The following RAB38 variants were observed in gnomAD, a reference collection of about 807,000 sequenced individuals.
The protein encoded by RAB38 is RAB38, member RAS oncogene family, also known as ras-related protein Rab-38.
In RAB38, 15 loss-of-function variants were observed where a neutral mutation model predicts 18.4. That is an observed-to-expected ratio of 0.82 (90% confidence interval 0.55 to 1.26). RAB38 has a LOEUF of 1.26. RAB38 is among the 50% of genes most tolerant of loss of function. The pLI is 0.00. For missense variants in RAB38, 294 were observed against 267.4 expected (o/e 1.10, Z -0.69); for synonymous variants, 101 against 104.4 (o/e 0.97, Z 0.20).
chr11:87,962,443 A>G, the RAB38 span, among the ~76,000 whole-genome samples: 1 of 152,064 alleles, frequency 6.6e-6, no homozygotes, highest in Non-Finnish European at 1.5e-5. Context: ...AAAAAAACTG[A>G]AGTGAACCTG....
chr11:88,117,599 A>C (rs11823495), intron 2 of RAB38, among the ~76,000 whole-genome samples: 8,915 of 152,234 alleles, frequency 0.059, 363 homozygotes, highest in African/African-American at 0.12. Context: ...AAGAACTGAA[A>C]ATGCTTTTGA....
At chr11:87,927,124 C>T in the RAB38 span, among the ~76,000 whole-genome samples, 2 of 151,946 alleles carry the variant, frequency 1.3e-5, no homozygotes, top group Admixed American at 6.6e-5. Context: ...CAGAAAGAGG[C>T]GTCCCACTAA....
At position 88,114,137 on chromosome 11, in the gene RAB38, T is replaced by A. The variant is rs1465681347; in HGVS notation, c.487A>T (p.Asn163Tyr). The change falls in exon 3 of 3, where the codon AAT becomes TAT. Residue 163 changes from asparagine (N) to tyrosine (Y), a missense_variant. Transcript: ENST00000243662. ...CTGGAGGCTTCATCAATGTTTATAT[T>A]TTCCTATGAGGGAAAAAATAAAACA... ...VGWFETSAKE[N>Y]INIDEASRCL... The A allele has an allele frequency of 1.2e-6, 2 of 1,613,970 alleles. No homozygotes were observed. The highest frequency in any genetic ancestry group is 1.7e-6 in the Non-Finnish European group (2 of 1,179,956).
At position 88,165,170 on chromosome 11, in the gene RAB38, G is replaced by A. The variant is rs184653550; in HGVS notation, c.202+10013C>T. 3.2e-3 allele frequency among the ~76,000 whole-genome samples: 491 copies of A among 152,088 alleles called. 2 individuals carry two copies. The highest frequency in any genetic ancestry group is 0.01 in the African/African-American group (434 of 41,488). ...CTAAAAGCAATGTATAACAACCCAC[G>A]AGATGTAAAAACCATTATGCTGTTT... On this transcript the variant is annotated intron_variant, in intron 1 of 2. Coordinates refer to ENST00000243662, the MANE Select transcript of RAB38 (RefSeq NM_022337.3).
the RAB38 span, among the ~76,000 whole-genome samples, chr11:88,042,975 C>A: frequency 6.6e-6 from 1 of 152,096 alleles, no homozygotes. Context: ...CTGAAACACC[C>A]CTAATATATG....
the RAB38 span, among the ~76,000 whole-genome samples, chr11:87,927,401 C>T: frequency 6.6e-6 from 1 of 151,964 alleles, no homozygotes; most frequent in Non-Finnish European, 1.5e-5. Flanking sequence ...ATATTGTATA[C>T]TGCTTTTCAC....
the RAB38 span, among the ~76,000 whole-genome samples, chr11:88,062,367 T>C: frequency 6.6e-6 from 1 of 152,176 alleles, no homozygotes; most frequent in Non-Finnish European, 1.5e-5. Context: ...TCCACCATGA[T>C]TCTAAGTTTC....
chr11:88,127,923 A>T (rs929506872), intron 2 of RAB38, among the ~76,000 whole-genome samples: 1 of 152,214 alleles, frequency 6.6e-6, no homozygotes, highest in East Asian at 1.9e-4. Flanking sequence ...CAGAAGTGAC[A>T]CACATTTGGA....
the RAB38 span, among the ~76,000 whole-genome samples, chr11:87,825,693 T>C: frequency 6.6e-6 from 1 of 152,032 alleles, no homozygotes; most frequent in Non-Finnish European, 1.5e-5. Flanking sequence ...AACAAAGGCC[T>C]AAAGAGGGAA....
At chr11:87,828,440 G>C in the RAB38 span, among the ~76,000 whole-genome samples, 7 of 152,100 alleles carry the variant, frequency 4.6e-5, no homozygotes, top group Non-Finnish European at 8.8e-5. Flanking sequence ...ATGTTTAAAA[G>C]GTATGAGTAT....
At chr11:87,927,074 G>A in the RAB38 span, among the ~76,000 whole-genome samples, 26 of 151,984 alleles carry the variant, frequency 1.7e-4, no homozygotes, top group Non-Finnish European at 2.6e-4. Context: ...CTCATTTATC[G>A]CAGGAGGCTT....
At chr11:88,040,164 C>G in the RAB38 span, among the ~76,000 whole-genome samples, 16 of 152,168 alleles carry the variant, frequency 1.1e-4, no homozygotes, top group African/African-American at 3.6e-4. Context: ...CAAAGTGCAA[C>G]AGACTAGGTG....
chr11:88,049,080 T>C, the RAB38 span, among the ~76,000 whole-genome samples: 1 of 152,128 alleles, frequency 6.6e-6, no homozygotes, highest in African/African-American at 2.4e-5. Context: ...TCTCCCACTC[T>C]AGGTTCCCAC....
the RAB38 span, among the ~76,000 whole-genome samples, chr11:87,808,501 T>C: frequency 1.3e-5 from 2 of 152,140 alleles, no homozygotes; most frequent in East Asian, 1.9e-4. Flanking sequence ...GTTGATCTCA[T>C]AGAAGAAGGA....
chr11:88,172,782 C>T (rs1943325434), intron 1 of RAB38, among the ~76,000 whole-genome samples: 1 of 152,196 alleles, frequency 6.6e-6, no homozygotes, highest in Admixed American at 6.5e-5. Context: ...AAACATGGAG[C>T]ACGTGCATGT....
intron 1 of RAB38, among the ~76,000 whole-genome samples, chr11:88,161,706 C>A (rs1197640146): frequency 1.3e-5 from 2 of 152,206 alleles, no homozygotes; most frequent in African/African-American, 4.8e-5. Context: ...CTATACTCAA[C>A]TCCAACTTCC....
chr11:87,878,222 T>TATATATATATATACACAC, the RAB38 span, among the ~76,000 whole-genome samples: 2 of 116,154 alleles, frequency 1.7e-5, no homozygotes, highest in African/African-American at 9.0e-5. Flanking sequence ...TATATATATA[T>TATATATATATATACACAC]ACACACATAT....
the RAB38 span, among the ~76,000 whole-genome samples, chr11:87,827,939 T>C: frequency 6.6e-6 from 1 of 152,188 alleles, no homozygotes; most frequent in Non-Finnish European, 1.5e-5. Context: ...CTGGATTGGA[T>C]CTTAGAACAC....
the RAB38 span, among the ~76,000 whole-genome samples, chr11:88,087,274 G>T: frequency 3.3e-5 from 5 of 152,000 alleles, no homozygotes; most frequent in Non-Finnish European, 5.9e-5. Flanking sequence ...CTTGGCCATT[G>T]TTTCATTTAT....
Sources: allele counts gnomAD v4.1 joint callset (sites outside exome capture counted in the v4.1 genomes callset), GRCh38; gene constraint gnomAD v4.1.1; transcripts MANE v1.5; gene names NCBI Gene and HGNC (gene_info 2026-07-23, HGNC 2026-07-21).